Variants in DENND3 observed in about 807,000 individuals in gnomAD.
DENND3 encodes DENN domain-containing protein 3.
In DENND3, 88 loss-of-function variants were observed where a neutral mutation model predicts 135.1. That is an observed-to-expected ratio of 0.65 (90% CI 0.55 to 0.78). The LOEUF (loss-of-function observed/expected upper bound fraction) is 0.78, where lower values mean the gene tolerates loss of function less well. DENND3 is among the 30% of genes least tolerant of loss of function. The probability of loss-of-function intolerance (pLI) is 0.00; values close to 1 mark genes in which losing one functional copy is unlikely to be tolerated. For missense variants in DENND3, 1,392 were observed against 1,688.4 expected, an observed-to-expected ratio of 0.82 and a Z score of 3.08; for synonymous variants, 693 against 712.3, an observed-to-expected ratio of 0.97 and a Z score of 0.43.
chr8:141,193,964 C>T (rs1040768863), intron 22 of DENND3, 69 bp from the exon 23 acceptor site: 41 of 1,534,646 alleles, frequency 2.7e-5, no homozygotes, highest in South Asian at 8.2e-5. Flanking sequence ...TCTGGGTAGC[C>T]GGGCAAAGCC....
chr8:141,166,516 T>C lies in DENND3; in HGVS notation c.1753+127T>C. 9.7e-7 allele frequency: 1 copy of C among 1,032,036 alleles called. No individual in the cohort carries two copies. Among genetic ancestry groups the C allele is most frequent in the Non-Finnish European group, 1.4e-6 (1 of 726,692 alleles). 63.9% of individuals were successfully genotyped at this position (1,032,036 alleles called of 1,614,324 possible). A position where few individuals can be genotyped will look rare whatever the true frequency, so the allele number is the denominator to read the frequency against. On this transcript the variant is annotated intron_variant, in intron 12 of 22. Coordinates refer to ENST00000519811, the MANE Select transcript of DENND3 (RefSeq NM_001352890.3). This position sits in a 1 kb window ranked among gnomAD's most constrained non-coding sequence, Gnocchi z 4.3. The stretch of plus-strand genomic sequence containing the variant: ...GGCTTGTTTTAGCAGCTGAGTTATT[T>C]GAAATGTTTAGAATATTCATTTTGC...
intron 18 of DENND3, among the ~76,000 whole-genome samples, chr8:141,188,074 G>GCAT (rs1468486011): frequency 6.6e-6 from 1 of 151,642 alleles, no homozygotes; most frequent in East Asian, 1.9e-4. Context: ...AGGCGTGGTG[G>GCAT]CATCAGCCAG....
chr8:141,171,259 A>G (rs1317529542), intron 13 of DENND3, among the ~76,000 whole-genome samples: 2 of 152,258 alleles, frequency 1.3e-5, no homozygotes, highest in East Asian at 3.8e-4. Flanking sequence ...GGACAAATTT[A>G]TGTGATATAA....
chr8:141,188,792 C>T (rs148708082), intron 18 of DENND3, 194 bp from the exon 19 acceptor site: 26 of 625,984 alleles, frequency 4.2e-5, no homozygotes, highest in Non-Finnish European at 5.8e-5. Context: ...ACAGAGCACG[C>T]GGAGAACAAG....
In DENND3 at chr8:141,157,372, G is replaced by A. The variant is rs1017544838; in HGVS notation, c.1196+1402G>A. 9 of 985,234 alleles carry A rather than the reference G, an allele frequency of 9.1e-6. No individual in the cohort carries two copies. In the African/African-American group the frequency reaches 1.0e-4, roughly 11 times the overall value. The allele number at this position is 985,234 out of a possible 1,614,324, so 61.0% of individuals were successfully genotyped here. The stretch of plus-strand genomic sequence containing the variant: ...CAGGGCTCCCTCGGGGTTGCTCTGC[G>A]GAGCTCATTTTTCCCTTCAGCATTT... On this transcript the variant is annotated intron_variant, in intron 8 of 22. Transcript: ENST00000519811.
intron 17 of DENND3, among the ~76,000 whole-genome samples, chr8:141,181,596 C>T (rs1424078969): frequency 6.6e-6 from 1 of 152,112 alleles, no homozygotes; most frequent in Non-Finnish European, 1.5e-5. Flanking sequence ...GAAATGGGCG[C>T]GGCCAAGAGT....
Position 141,167,917 on chromosome 8 carries a change from T to C in DENND3, c.1754-87T>C, listed in dbSNP as rs1452235999. On this transcript the variant is annotated intron_variant, in intron 12 of 22. Coordinates refer to ENST00000519811, the MANE Select transcript of DENND3 (RefSeq NM_001352890.3). This position sits in a 1 kb window ranked among gnomAD's most constrained non-coding sequence, Gnocchi z 4.1. ...ATTTTATTTTGCATCCAGAGAAACA[T>C]TGTCCTTGACAAGATGATGTGACAG... 21 of 1,502,872 alleles carry C rather than the reference T, an allele frequency of 1.4e-5. No homozygotes were observed. The South Asian group carries it at 2.4e-4, about 17-fold the overall frequency. 93.1% of individuals were successfully genotyped at this position (1,502,872 alleles called of 1,614,324 possible).
In DENND3 at chr8:141,166,331, A is replaced by G. The variant is rs1398361171; in HGVS notation, c.1695A>G (p.Ala565=). The G allele has an allele frequency of 6.2e-7, 1 of 1,613,722 alleles. No homozygotes were observed. The highest frequency in any genetic ancestry group is 1.1e-5 in the South Asian group (1 of 91,072). Residue 565 remains alanine, a synonymous_variant, in exon 12 of 23, where the codon GCA becomes GCG. Coordinates refer to ENST00000519811, the MANE Select transcript of DENND3 (RefSeq NM_001352890.3). This position sits in a 1 kb window ranked among gnomAD's most constrained non-coding sequence, Gnocchi z 4.3. The part of the protein sequence containing the change: ...NLQDIAMPEL[A]PRNSSLRLTD... ...AGGACATTGCCATGCCTGAGCTGGC[A>G]CCCAGGAACTCCTCGCTCCGGCTGA...
intron 16 of DENND3, 136 bp from the exon 17 acceptor site, chr8:141,180,611 A>G: frequency 1.3e-6 from 1 of 788,378 alleles, no homozygotes; most frequent in Non-Finnish European, 2.0e-6. Context: ...CGGGTCCAAG[A>G]GACCTTCGTC....
At chr8:141,192,912 A>AACTT (rs1569557219) in intron 22 of DENND3, 2 of 1,465,256 alleles carry the variant, frequency 1.4e-6, no homozygotes. Context: ...CAAATGACAG[A>AACTT]ACTTAATTTT....
rs111330036 is a variant in DENND3, at chr8:141,138,832, G to T, written c.501+695G>T. On this transcript the variant is annotated intron_variant, in intron 3 of 22. Transcript: ENST00000519811. This position sits in a 1 kb window ranked among gnomAD's most constrained non-coding sequence, Gnocchi z 4.8. ...TGGGCGCGTGTGCCAGTGCCCCGTG[G>T]CCTTTTATGGCGAGTGACATTCCAT... Among the ~76,000 whole-genome samples the T allele has an allele frequency of 8.6e-3, 1,306 of 152,300 alleles. 17 individuals carry two copies. Among genetic ancestry groups the T allele is most frequent in the African/African-American group, 0.03 (1,248 of 41,552 alleles).
At chr8:141,183,349 G>A (rs1295497795) in intron 17 of DENND3, among the ~76,000 whole-genome samples, 1 of 151,818 alleles carries the variant, frequency 6.6e-6, no homozygotes, top group African/African-American at 2.4e-5. Flanking sequence ...GGGCTCTAGC[G>A]ATCCTCCGCC....
chr8:141,133,875 G>A (rs760538234), intron 1 of DENND3, among the ~76,000 whole-genome samples: 7 of 152,226 alleles, frequency 4.6e-5, no homozygotes, highest in Admixed American at 6.5e-5. Flanking sequence ...GTGCAGTGGG[G>A]GTGGCAGGAG....
chr8:141,150,948 C>G lies in DENND3; in HGVS notation c.850C>G (p.Leu284Val). The G allele has an allele frequency of 6.4e-7, 1 of 1,571,504 alleles. No individual in the cohort carries two copies. The highest frequency in any genetic ancestry group is 8.6e-7 in the Non-Finnish European group (1 of 1,163,664). Residue 284 changes from leucine (L) to valine (V), a missense_variant, in exon 6 of 23, where the codon CTA (leucine) becomes GTA (valine). Leu to Val is a conservative substitution (Grantham distance 32). Coordinates refer to ENST00000519811, the MANE Select transcript of DENND3 (RefSeq NM_001352890.3). ...GCTGTGCTTCAGGCCTGAGAAGGTG[C>G]TACAGGTACGCGGCCCCGCCCCGGC... ...PLLCFRPEKVLQILTCILTEQ... is the reference protein window; with the variant it reads ...PLLCFRPEKVVQILTCILTEQ...
At chr8:141,187,554 C>G (rs1255178001) in intron 18 of DENND3, among the ~76,000 whole-genome samples, 1 of 152,098 alleles carries the variant, frequency 6.6e-6, no homozygotes, top group African/African-American at 2.4e-5. Context: ...GCTGTGTTCC[C>G]TTGTCTAAAA....
chr8:141,158,253 A>T, intron 8 of DENND3: 1 of 1,289,210 alleles, frequency 7.8e-7, no homozygotes, highest in Non-Finnish European at 1.0e-6. Flanking sequence ...TTTGAAGGAG[A>T]CACGTGCTTT....
Position 141,160,746 on chromosome 8 carries a change from G to A in DENND3, c.1311G>A (p.Gln437=). Residue 437 remains glutamine (Q), a synonymous_variant, in exon 9 of 23, where the codon CAG becomes CAA. Coordinates refer to ENST00000519811, the MANE Select transcript of DENND3 (RefSeq NM_001352890.3). ...CCTGGCAGCAGAAACTCAACTGCCA[G>A]ATACAGCAGACCACCCTGCAGCTGC... is the stretch of plus-strand genomic sequence containing the variant. ...RRSWQQKLNC[Q]IQQTTLQLLV... 6.2e-7 allele frequency: 1 copy of A among 1,613,084 alleles called. No individual in the cohort carries two copies.
intron 5 of DENND3, among the ~76,000 whole-genome samples, chr8:141,147,547 G>A (rs1418634752): frequency 1.3e-5 from 2 of 152,144 alleles, no homozygotes; most frequent in Admixed American, 6.5e-5. Flanking sequence ...CCATTTTCTT[G>A]TGGCCAGCTG....
chr8:141,136,588 T>C lies in DENND3; in HGVS notation c.182T>C (p.Ile61Thr). 6.3e-7 allele frequency: 1 copy of C among 1,587,578 alleles called. No homozygotes were observed. The highest frequency in any genetic ancestry group is 8.6e-7 in the Non-Finnish European group (1 of 1,167,022). ...EVLSIFVPPFISKEDSQMAGA... is the reference protein window; with the variant it reads ...EVLSIFVPPFTSKEDSQMAGA... ...CTGTCCATTTTCGTGCCTCCTTTTATCAGTAAAGAGGACAGTCAAATGGCC... is the reference window on the plus strand; with the variant it reads ...CTGTCCATTTTCGTGCCTCCTTTTACCAGTAAAGAGGACAGTCAAATGGCC... Residue 61 changes from isoleucine to threonine, a missense_variant, in exon 2 of 23, where the codon ATC becomes ACC. Ile to Thr is a moderately conservative substitution (Grantham distance 89). Coordinates refer to ENST00000519811, the MANE Select transcript of DENND3 (RefSeq NM_001352890.3).
Sources: gnomAD v4.1 joint callset for allele counts (sites outside exome capture counted in the v4.1 genomes callset) on GRCh38, gnomAD v4.1.1 for gene constraint, Gnocchi (gnomAD v3.1) non-coding constraint, MANE v1.5 for transcripts, NCBI Gene and HGNC (gene_info 2026-07-23, HGNC 2026-07-21) for gene names.